TULP4: variants seen among roughly 807,000 people sequenced by gnomAD.
TULP4 encodes the protein tubby-related protein 4.
Under a neutral mutation model 129.0 loss-of-function variants are expected in TULP4, and 16 were observed. The ratio of observed to expected loss-of-function variants is 0.12; its 90% CI spans 0.08 to 0.19. The LOEUF is 0.19. TULP4 is among the 10% of genes least tolerant of loss of function. TULP4 has a pLI of 1.00. For synonymous variants in TULP4, 998 were observed against 854.0 expected, an observed-to-expected ratio of 1.17 and a Z score of -2.94; for missense variants, 1,842 against 2,059.1, an observed-to-expected ratio of 0.89 and a Z score of 2.04.
In TULP4 at chr6:158,313,376, G is replaced by GTC. The variant is rs1156785784; in HGVS notation, c.-639_-638dup. 5 of 397,994 alleles carry GTC rather than the reference G, an allele frequency of 1.3e-5. No homozygotes were observed. The highest frequency in any genetic ancestry group is 2.2e-5 in the Non-Finnish European group (5 of 225,906). The allele number at this position is 397,994 out of a possible 1,614,324, so 24.7% of individuals were successfully genotyped here. ...TGGACTCTTGTCTGCACAAACTCTG[G>GTC]TCTGTTTTGCACGGTTTGTGTGCCT... On this transcript the variant is annotated 5_prime_UTR_variant, in exon 1 of 14. Transcript: ENST00000367097.
Position 158,493,481 on chromosome 6 carries a change from G to A in TULP4, c.1632-92G>A, listed in dbSNP as rs17582408. On this transcript the variant is annotated intron_variant, in intron 9 of 13. Coordinates refer to ENST00000367097, the MANE Select transcript of TULP4 (RefSeq NM_020245.5). The surrounding 1 kb of genome is among the most constrained non-coding windows in gnomAD (Gnocchi z 4.4). ...GGGTGAGAACCCAACACCCAGGCTG[G>A]CTGTCCAGAAAAAGAAAGGACTGCT... 151,979 of 1,323,114 alleles carry A rather than the reference G, an allele frequency of 0.11. 9,397 individuals are homozygous for A. Among genetic ancestry groups the A allele is most frequent in the Non-Finnish European group, 0.12 (122,924 of 1,021,056 alleles). 82.0% of individuals were successfully genotyped at this position (1,323,114 alleles called of 1,614,324 possible).
At chr6:158,457,481 C>G (rs1779317889) in intron 5 of TULP4, among the ~76,000 whole-genome samples, 1 of 152,294 alleles carries the variant, frequency 6.6e-6, no homozygotes, top group South Asian at 2.1e-4. Context: ...GATTCTCTTC[C>G]TTCAGAACAG....
At chr6:158,290,751 T>C (rs1309407855) in intron 1 of TULP4, among the ~76,000 whole-genome samples, 1 of 148,468 alleles carries the variant, frequency 6.7e-6, no homozygotes, top group East Asian at 2.0e-4. Context: ...TAGAGTACTT[T>C]TGGCTCTGGT....
intron 11 of TULP4, 78 bp from the exon 12 acceptor site, chr6:158,498,591 T>C (rs1183401331): frequency 1.3e-6 from 2 of 1,579,238 alleles, no homozygotes; most frequent in Non-Finnish European, 8.7e-7. Flanking sequence ...AGTGCGCTCT[T>C]CTTCCTGTGA....
intron 1 of TULP4, among the ~76,000 whole-genome samples, chr6:158,331,220 T>C (rs1779870348): frequency 6.6e-6 from 1 of 152,200 alleles, no homozygotes; most frequent in Admixed American, 6.5e-5. Context: ...GCCAGTCTTT[T>C]CTATGATGGT....
At chr6:158,246,824 TAA>T (rs1464565997) in intron 1 of TULP4, among the ~76,000 whole-genome samples, 2 of 152,214 alleles carry the variant, frequency 1.3e-5, no homozygotes, top group Non-Finnish European at 2.9e-5. Context: ...ACCCGTGAGA[TAA>T]AGAGTATTTT....
At chr6:158,291,871 C>T (rs1778948364) in intron 1 of TULP4, among the ~76,000 whole-genome samples, 1 of 152,156 alleles carries the variant, frequency 6.6e-6, no homozygotes. Context: ...TTGGTTCTTT[C>T]TGGCATTTTA....
chr6:158,368,187 G>C (rs758013808), intron 1 of TULP4, among the ~76,000 whole-genome samples: 27 of 151,424 alleles, frequency 1.8e-4, no homozygotes, highest in South Asian at 2.1e-4. Context: ...GTCTGTAAAA[G>C]ATTATCATTA....
intron 6 of TULP4, among the ~76,000 whole-genome samples, chr6:158,467,639 G>C (rs751388389): frequency 1.3e-5 from 2 of 152,160 alleles, no homozygotes; most frequent in Non-Finnish European, 2.9e-5. Flanking sequence ...AAAATCACAA[G>C]TCAGATCAGT....
At chr6:158,416,840 A>T (rs1474069634) in intron 2 of TULP4, among the ~76,000 whole-genome samples, 1 of 152,214 alleles carries the variant, frequency 6.6e-6, no homozygotes, top group Non-Finnish European at 1.5e-5. Context: ...TTTATCTTTT[A>T]TACTGTATTC....
chr6:158,415,319 A>C (rs920026946), intron 2 of TULP4, among the ~76,000 whole-genome samples: 1 of 149,940 alleles, frequency 6.7e-6, no homozygotes, highest in Admixed American at 6.7e-5. Flanking sequence ...TATTTACTGT[A>C]CTTTTTATTA....
intron 1 of TULP4, among the ~76,000 whole-genome samples, chr6:158,315,018 C>G (rs1211019304): frequency 6.6e-6 from 1 of 152,104 alleles, no homozygotes; most frequent in African/African-American, 2.4e-5. Flanking sequence ...ATGGCACCTT[C>G]GCAATATTCA....
intron 6 of TULP4, among the ~76,000 whole-genome samples, chr6:158,470,932 G>A (rs1198394404): frequency 6.6e-6 from 1 of 152,186 alleles, no homozygotes; most frequent in Non-Finnish European, 1.5e-5. Flanking sequence ...GGGTTTGAGG[G>A]GAAGGCAGAG....
intron 3 of TULP4, among the ~76,000 whole-genome samples, chr6:158,441,858 C>T (rs1562567404): frequency 6.6e-6 from 1 of 152,322 alleles, no homozygotes; most frequent in African/African-American, 2.4e-5. Context: ...AGCTCTCTTA[C>T]GTTCCTGCCT....
chr6:158,232,694 C>T (rs1342552597), intron 1 of TULP4, among the ~76,000 whole-genome samples: 3 of 151,800 alleles, frequency 2.0e-5, no homozygotes, highest in East Asian at 3.9e-4. Flanking sequence ...GACAGAAAAT[C>T]CCTGAAAACG....
chr6:158,399,193 C>A (rs1157751872), intron 1 of TULP4, among the ~76,000 whole-genome samples: 1 of 152,172 alleles, frequency 6.6e-6, no homozygotes, highest in Non-Finnish European at 1.5e-5. Flanking sequence ...ATTGTTGTTT[C>A]TAGGCAGTGA....
At chr6:158,240,750 A>T (rs1480911090) in intron 1 of TULP4, among the ~76,000 whole-genome samples, 2 of 107,404 alleles carry the variant, frequency 1.9e-5, no homozygotes, top group East Asian at 3.4e-4. Context: ...CGGGGGGCTG[A>T]CCCCCCCACC....
chr6:158,236,433 C>G (rs954023498), intron 1 of TULP4, among the ~76,000 whole-genome samples: 3 of 152,134 alleles, frequency 2.0e-5, no homozygotes, highest in Admixed American at 6.5e-5. Context: ...ATGAGCAGAT[C>G]TTTTTTTCTT....
At position 158,452,131 on chromosome 6, in the gene TULP4, C is replaced by T; in HGVS notation, c.725-3C>T. On this transcript the variant is annotated splice_polypyrimidine_tract_variant and splice_region_variant and intron_variant, in intron 4 of 13. Transcript: ENST00000367097. The stretch of plus-strand genomic sequence containing the variant: ...TTTTCACTTGGCACTTGTGTTCCTG[C>T]AGATGGTCCGGCAGCATATCCCATC... 1.2e-6 allele frequency: 2 copies of T among 1,613,506 alleles called. No individual in the cohort carries two copies. Among genetic ancestry groups the T allele is most frequent in the Non-Finnish European group, 1.7e-6 (2 of 1,179,714 alleles).
Sources: allele counts gnomAD v4.1 joint callset (sites outside exome capture counted in the v4.1 genomes callset), GRCh38; gene constraint gnomAD v4.1.1; non-coding constraint Gnocchi (gnomAD v3.1); transcripts MANE v1.5; gene names NCBI Gene and HGNC (gene_info 2026-07-23, HGNC 2026-07-21).